Variants in MTCL1 observed in about 807,000 individuals in gnomAD.
MTCL1 encodes microtubule crosslinking factor 1.
MTCL1 carries 79 observed loss-of-function variants against 141.4 expected under a neutral mutation model. The observed-to-expected ratio is 0.56, with a 90% CI of 0.47 to 0.67. The LOEUF (loss-of-function observed/expected upper bound fraction) is 0.67, where lower values mean the gene tolerates loss of function less well. Ranked by LOEUF, MTCL1 falls within the 30% of genes least tolerant of loss-of-function variation. The pLI, the probability that MTCL1 is intolerant of heterozygous loss-of-function variation, is 0.00. For synonymous variants in MTCL1, 914 were observed against 875.8 expected (o/e 1.04, Z -0.77); for missense variants, 2,177 against 2,113.9 (o/e 1.03, Z -0.59).
chr18:8,716,685 C>T (rs1006246674), upstream of MTCL1, among the ~76,000 whole-genome samples: 1 of 150,590 alleles, frequency 6.6e-6, no homozygotes, highest in African/African-American at 2.4e-5. Context: ...GGTAAAAATC[C>T]AGGAACAAAG....
At chr18:8,791,287 A>C (rs1460676899) in intron 7 of MTCL1, among the ~76,000 whole-genome samples, 1 of 152,116 alleles carries the variant, frequency 6.6e-6, no homozygotes, top group Non-Finnish European at 1.5e-5. Flanking sequence ...CAGGAGTGGG[A>C]GGACTGAAGC....
At chr18:8,742,630 G>A (rs1317219483) in intron 4 of MTCL1, among the ~76,000 whole-genome samples, 1 of 152,122 alleles carries the variant, frequency 6.6e-6, no homozygotes, top group Non-Finnish European at 1.5e-5. Flanking sequence ...TGACACGTGG[G>A]GATCATTACA....
rs2148802352 is a variant in MTCL1, at chr18:8,718,421, T to C, written c.-27-3T>C. 4 of 1,613,808 alleles carry C rather than the reference T, an allele frequency of 2.5e-6. No individual in the cohort carries two copies. Among genetic ancestry groups the C allele is most frequent in the African/African-American group, 1.3e-5 (1 of 75,038 alleles). ...ATAAATCTTCTCTGTCTGATTTGCATAGGATGAGTTAGATGAACTCCGTGC... is the reference window on the plus strand; with the variant it reads ...ATAAATCTTCTCTGTCTGATTTGCACAGGATGAGTTAGATGAACTCCGTGC... On this transcript the variant is annotated splice_region_variant and splice_polypyrimidine_tract_variant and intron_variant, in intron 2 of 16. Coordinates refer to ENST00000359865, the Ensembl canonical transcript of MTCL1.
At chr18:8,832,054 A>T in exon 17 of MTCL1, 1 of 556,454 alleles carries the variant, frequency 1.8e-6, no homozygotes, top group Non-Finnish European at 3.2e-6. Context: ...TCTTTTTTAC[A>T]CACAGTATAT....
chr18:8,804,947 A>C (rs2076243435), intron 10 of MTCL1, among the ~76,000 whole-genome samples: 1 of 149,662 alleles, frequency 6.7e-6, no homozygotes, highest in Non-Finnish European at 1.5e-5. Context: ...GCCGTGATCC[A>C]CTGCATTCTA....
At chr18:8,770,838 G>A (rs2096482582) in intron 4 of MTCL1, among the ~76,000 whole-genome samples, 1 of 152,106 alleles carries the variant, frequency 6.6e-6, no homozygotes, top group South Asian at 2.1e-4. Context: ...AAGTGGATTT[G>A]TTTTTTTGGG....
At chr18:8,720,222 C>T (rs1730978998) in intron 3 of MTCL1, 116 bp from the exon 3 acceptor site, 1 of 934,784 alleles carries the variant, frequency 1.1e-6, no homozygotes, top group Non-Finnish European at 1.6e-6. Flanking sequence ...TTGCCAGGGT[C>T]TTTGCTATGT....
At chr18:8,784,738 C>G (rs2096545152) in exon 6 of MTCL1, 1 of 1,614,196 alleles carries the variant, frequency 6.2e-7, no homozygotes, top group Non-Finnish European at 8.5e-7. Flanking sequence ...GCCTATCCCC[C>G]TTGCCCCACC....
At position 8,705,817 on chromosome 18, in the gene MTCL1, C is replaced by T; in HGVS notation, c.157C>T (p.His53Tyr). The change falls in exon 1 of 14, where the codon CAC becomes TAC. Residue 53 changes from histidine to tyrosine, a missense_variant. Coordinates refer to the MTCL1 transcript ENST00000306329. This position sits in a 1 kb window ranked among gnomAD's most constrained non-coding sequence, Gnocchi z 5.2. ...CGCCAGACCCTTCCTCAAGGACCTGCACGCCCGGCCCGCCGCGCCCGGCCC... is the reference window on the plus strand; with the variant it reads ...CGCCAGACCCTTCCTCAAGGACCTGTACGCCCGGCCCGCCGCGCCCGGCCC... 2 of 1,185,768 alleles carry T rather than the reference C, an allele frequency of 1.7e-6. No homozygotes were observed. Among genetic ancestry groups the T allele is most frequent in the Non-Finnish European group, 2.1e-6 (2 of 957,698 alleles). 73.5% of individuals were successfully genotyped at this position (1,185,768 alleles called of 1,614,324 possible).
intron 4 of MTCL1, among the ~76,000 whole-genome samples, chr18:8,756,513 A>ATGTGTGTATATATG (rs1214472855): frequency 6.2e-5 from 9 of 145,910 alleles, no homozygotes; most frequent in Non-Finnish European, 1.2e-4. Context: ...GTGTATATAT[A>ATGTGTGTATATATG]TGTGTGTATA....
rs1348669701 is a variant in MTCL1, at chr18:8,822,081, G to C, written c.3188+583G>C. On this transcript the variant is annotated intron_variant, in intron 14 of 16. Transcript: ENST00000359865. This position sits in a 1 kb window ranked among gnomAD's most constrained non-coding sequence, Gnocchi z 4.6. ...CTTCTCAGGCAATTCAGCATTTCCA[G>C]ATCGCCTCATCCTTGATTTTCCTCT... is the stretch of plus-strand genomic sequence containing the variant. Among the ~76,000 whole-genome samples the C allele has an allele frequency of 6.6e-6, 1 of 152,164 alleles. No individual in the cohort carries two copies. The highest frequency in any genetic ancestry group is 6.5e-5 in the Admixed American group (1 of 15,280).
chr18:8,786,021 A>G (rs753490941), exon 7 of MTCL1: 1 of 1,582,836 alleles, frequency 6.3e-7, no homozygotes, highest in Non-Finnish European at 8.7e-7. Flanking sequence ...GCCGCGCGGG[A>G]GCTGCACCGC....
At chr18:8,756,642 A>T (rs2096403237) in intron 4 of MTCL1, among the ~76,000 whole-genome samples, 1 of 152,128 alleles carries the variant, frequency 6.6e-6, no homozygotes, top group African/African-American at 2.4e-5. Flanking sequence ...TGTTGGAGAA[A>T]AGAAAAATTT....
At chr18:8,719,337 A>G (rs2096152290) in intron 3 of MTCL1, among the ~76,000 whole-genome samples, 1 of 152,246 alleles carries the variant, frequency 6.6e-6, no homozygotes, top group South Asian at 2.1e-4. Flanking sequence ...GTGTGATAAC[A>G]GGAAAAGAAC....
intron 1 of MTCL1, among the ~76,000 whole-genome samples, chr18:8,711,827 C>G (rs1300060101): frequency 1.3e-5 from 2 of 151,968 alleles, no homozygotes; most frequent in Admixed American, 6.6e-5. Context: ...AAATTTTCTC[C>G]CATGTTGTAG....
At chr18:8,786,710 C>T (rs546923809) in intron 7 of MTCL1, 9 of 232,722 alleles carry the variant, frequency 3.9e-5, no homozygotes, top group Middle Eastern at 3.4e-3. Context: ...GCGGGTCACC[C>T]GACCCGGGAC....
rs569711496 is a variant in MTCL1, at chr18:8,803,390, A to G, written c.2437-3503A>G. Among the ~76,000 whole-genome samples the G allele has an allele frequency of 5.9e-5, 9 of 152,300 alleles. No homozygotes were observed. In the East Asian group the frequency reaches 1.7e-3, roughly 29 times the overall value. ...CACTCAAAATTGATGTGACATATAT[A>G]TAAGGTCATGTTGGCAAATAATTTA... On this transcript the variant is annotated intron_variant, in intron 10 of 16. Coordinates refer to ENST00000359865, the Ensembl canonical transcript of MTCL1.
In MTCL1 at chr18:8,742,480, A is replaced by G. The variant is rs148531860; in HGVS notation, c.357+21984A>G. The stretch of plus-strand genomic sequence containing the variant: ...GGCAAGTCCTTCTTCACATGGTGGC[A>G]GGAAGGAGAAGTGAGAGCTGAGCAA... On this transcript the variant is annotated intron_variant, in intron 4 of 16. Coordinates refer to ENST00000359865, the Ensembl canonical transcript of MTCL1. Among the ~76,000 whole-genome samples, 388 of 152,368 alleles carry G rather than the reference A, an allele frequency of 2.5e-3. 1 individual carries two copies. The highest frequency in any genetic ancestry group is 8.8e-3 in the African/African-American group (368 of 41,600).
chr18:8,723,636 A>G (rs1197624694), intron 4 of MTCL1, among the ~76,000 whole-genome samples: 2 of 152,150 alleles, frequency 1.3e-5, no homozygotes, highest in African/African-American at 2.4e-5. Context: ...AGTTTTTCCT[A>G]GCACTTTAGA....
Sources: gnomAD v4.1 joint callset for allele counts (sites outside exome capture counted in the v4.1 genomes callset) on GRCh38, gnomAD v4.1.1 for gene constraint, Gnocchi (gnomAD v3.1) non-coding constraint, MANE v1.5 for transcripts, NCBI Gene and HGNC (gene_info 2026-07-23, HGNC 2026-07-21) for gene names.